The following KSR2 variants were observed in gnomAD, a reference collection of about 807,000 sequenced individuals.
KSR2 encodes the protein kinase suppressor of ras 2.
KSR2 carries 25 observed loss-of-function variants against 107.8 expected under a neutral mutation model. The ratio of observed to expected loss-of-function variants is 0.23; its 90% CI spans 0.17 to 0.32. The LOEUF (loss-of-function observed/expected upper bound fraction) is 0.32, where lower values mean the gene tolerates loss of function less well. Ranked by LOEUF, KSR2 falls within the 10% of genes least tolerant of loss-of-function variation. KSR2 has a pLI of 1.00. For synonymous variants in KSR2, 480 were observed against 507.0 expected (o/e 0.95, Z 0.71); for missense variants, 887 against 1,268.9 (o/e 0.70, Z 4.57).
At chr12:117,699,535 G>A (rs950027718) in intron 4 of KSR2, among the ~76,000 whole-genome samples, 1 of 152,190 alleles carries the variant, frequency 6.6e-6, no homozygotes, top group Admixed American at 6.5e-5. Flanking sequence ...TGTACTGAAT[G>A]CTGTGGACAA....
At chr12:117,932,035 C>T (rs1447954046) in intron 1 of KSR2, among the ~76,000 whole-genome samples, 5 of 152,074 alleles carry the variant, frequency 3.3e-5, no homozygotes, top group Non-Finnish European at 7.4e-5. Context: ...GCCTGTAATA[C>T]CAGCACTTTG....
At chr12:117,528,062 C>T (rs1233809875) in intron 12 of KSR2, among the ~76,000 whole-genome samples, 1 of 151,424 alleles carries the variant, frequency 6.6e-6, no homozygotes, top group Non-Finnish European at 1.5e-5. Flanking sequence ...GGTATAGATG[C>T]TGGCGGGGCG....
At chr12:117,726,243 A>G (rs558946827) in intron 4 of KSR2, among the ~76,000 whole-genome samples, 29 of 152,258 alleles carry the variant, frequency 1.9e-4, no homozygotes, top group Non-Finnish European at 3.2e-4. Flanking sequence ...CATGAGATTT[A>G]AATAGATAAT....
At chr12:117,780,679 G>C (rs1214967539) in intron 3 of KSR2, among the ~76,000 whole-genome samples, 1 of 152,150 alleles carries the variant, frequency 6.6e-6, no homozygotes, top group African/African-American at 2.4e-5. Flanking sequence ...CTTAAAAATT[G>C]TTAAAATGGT....
At chr12:117,648,456 C>T (rs532212354) in intron 5 of KSR2, among the ~76,000 whole-genome samples, 2 of 152,302 alleles carry the variant, frequency 1.3e-5, no homozygotes, top group South Asian at 2.1e-4. Flanking sequence ...GGCATTGGGG[C>T]TTCATTTATG....
intron 4 of KSR2, among the ~76,000 whole-genome samples, chr12:117,734,369 A>C (rs1358201821): frequency 6.6e-6 from 1 of 152,088 alleles, no homozygotes; most frequent in African/African-American, 2.4e-5. Context: ...TGAAAGGCTT[A>C]AACATTAGCC....
chr12:117,947,408 C>CA (rs1345757825), intron 1 of KSR2, among the ~76,000 whole-genome samples: 2 of 151,786 alleles, frequency 1.3e-5, no homozygotes, highest in African/African-American at 2.4e-5. Flanking sequence ...AATAAACAAA[C>CA]AAAAAACAAA....
chr12:117,882,050 G>T (rs1894045184), intron 1 of KSR2, among the ~76,000 whole-genome samples: 1 of 152,166 alleles, frequency 6.6e-6, no homozygotes, highest in Admixed American at 6.6e-5. Flanking sequence ...GTCTCAGGAT[G>T]GAAATGCCAT....
chr12:117,675,925 C>CAA (rs1885098565), intron 4 of KSR2, among the ~76,000 whole-genome samples: 1 of 152,218 alleles, frequency 6.6e-6, no homozygotes, highest in African/African-American at 2.4e-5. Context: ...ACCATTTCCC[C>CAA]AAACAGGAAA....
chr12:117,841,783 C>T (rs373949250), intron 3 of KSR2, among the ~76,000 whole-genome samples: 1 of 152,186 alleles, frequency 6.6e-6, no homozygotes, highest in Non-Finnish European at 1.5e-5. Flanking sequence ...CCACCACCCC[C>T]CTCCCAGGCA....
chr12:117,941,869 C>G (rs923006533), intron 1 of KSR2, among the ~76,000 whole-genome samples: 2 of 149,562 alleles, frequency 1.3e-5, no homozygotes, highest in African/African-American at 4.9e-5. Flanking sequence ...TCTCAAACTC[C>G]TAACCTCAAG....
intron 5 of KSR2, among the ~76,000 whole-genome samples, chr12:117,608,375 T>A (rs914503676): frequency 6.6e-6 from 1 of 152,216 alleles, no homozygotes; most frequent in East Asian, 1.9e-4. Context: ...AAACCACAGA[T>A]GATTTTATCG....
intron 5 of KSR2, among the ~76,000 whole-genome samples, chr12:117,583,277 G>A (rs1021775302): frequency 5.3e-5 from 8 of 150,238 alleles, no homozygotes; most frequent in South Asian, 2.1e-4. Flanking sequence ...GGATGGATAG[G>A]TGGGTGGGTA....
chr12:117,603,396 G>C (rs1446004288), intron 5 of KSR2, among the ~76,000 whole-genome samples: 1 of 152,200 alleles, frequency 6.6e-6, no homozygotes, highest in African/African-American at 2.4e-5. Flanking sequence ...TTACAGATAA[G>C]TCAACTTTGT....
chr12:117,571,517 G>C (rs1363192597), intron 7 of KSR2, among the ~76,000 whole-genome samples: 1 of 152,156 alleles, frequency 6.6e-6, no homozygotes, highest in Non-Finnish European at 1.5e-5. Flanking sequence ...GGGTGAGGCA[G>C]CTGCAAGGTA....
rs184513125 is a variant in KSR2, at chr12:117,595,178, C to T, written c.1172-12819G>A. On this transcript the variant is annotated intron_variant, in intron 5 of 19. Coordinates refer to ENST00000339824, the MANE Select transcript of KSR2 (RefSeq NM_173598.6). ...TCTTTCTTCAAAACACTTAGCTAGA[C>T]ATCACCTTGTAGTCCAACACAGTGA... 8.5e-5 allele frequency among the ~76,000 whole-genome samples: 13 copies of T among 152,312 alleles called. No homozygotes were observed. In the East Asian group the frequency reaches 2.3e-3, roughly 27 times the overall value.
intron 3 of KSR2, among the ~76,000 whole-genome samples, chr12:117,825,452 G>A (rs1891708441): frequency 6.6e-6 from 1 of 152,128 alleles, no homozygotes; most frequent in Middle Eastern, 3.4e-3. Context: ...AGTTTTCCAA[G>A]CAAAAAATAC....
intron 4 of KSR2, among the ~76,000 whole-genome samples, chr12:117,694,847 T>TTCTTC (rs1565965203): frequency 1.4e-5 from 1 of 72,136 alleles, no homozygotes; most frequent in Non-Finnish European, 2.8e-5. Flanking sequence ...GTATGATTCT[T>TTCTTC]TTTTTTTTTT....
At chr12:117,662,967 G>T (rs1884499901) in intron 5 of KSR2, among the ~76,000 whole-genome samples, 1 of 152,208 alleles carries the variant, frequency 6.6e-6, no homozygotes, top group Non-Finnish European at 1.5e-5. Context: ...CCCCTACGGG[G>T]ATGGCTACAA....
Sources: allele counts gnomAD v4.1 joint callset (sites outside exome capture counted in the v4.1 genomes callset), GRCh38; gene constraint gnomAD v4.1.1; transcripts MANE v1.5; gene names NCBI Gene and HGNC (gene_info 2026-07-23, HGNC 2026-07-21).